Variants in SLCO4C1 observed in about 807,000 individuals in gnomAD.
SLCO4C1 encodes the protein organic anion transporter M1.
In SLCO4C1, 58 loss-of-function variants were observed where a neutral mutation model predicts 72.1. The ratio of observed to expected loss-of-function variants is 0.80; its 90% CI spans 0.65 to 1.00. The LOEUF (loss-of-function observed/expected upper bound fraction) is 1.00. Ranked by LOEUF, SLCO4C1 falls within the 50% of genes least tolerant of loss-of-function variation. The pLI is 0.00. For synonymous variants in SLCO4C1, 297 were observed against 312.5 expected (o/e 0.95, Z 0.52); for missense variants, 898 against 857.9 (o/e 1.05, Z -0.58).
At chr5:102,247,226 T>A in intron 10 of SLCO4C1, 26 bp downstream of exon 10, 1 of 1,454,838 alleles carries the variant, frequency 6.9e-7, no homozygotes, top group Non-Finnish European at 9.2e-7. Context: ...CCTTAGGGAA[T>A]GAAAATTTCT....
intron 3 of SLCO4C1, among the ~76,000 whole-genome samples, chr5:102,266,416 G>A (rs1039964633): frequency 2.3e-4 from 35 of 152,144 alleles, no homozygotes; most frequent in Admixed American, 1.6e-3. Flanking sequence ...TTGGGAGGCC[G>A]AGGTGGGTGG....
At chr5:102,275,389 G>A (rs1749230185) in intron 2 of SLCO4C1, among the ~76,000 whole-genome samples, 1 of 152,112 alleles carries the variant, frequency 6.6e-6, no homozygotes, top group Non-Finnish European at 1.5e-5. Flanking sequence ...AATAGTTGAT[G>A]TACCTAAGAA....
chr5:102,262,089 CAGTT>C (rs768849719), intron 4 of SLCO4C1, 56 bp from the exon 5 acceptor site: 153 of 1,491,502 alleles, frequency 1.0e-4, no homozygotes, highest in Middle Eastern at 1.8e-4. Context: ...AATTAAAACT[CAGTT>C]AGGATAATCA....
At chr5:102,243,836 C>CA (rs1463223367) in intron 10 of SLCO4C1, among the ~76,000 whole-genome samples, 3 of 151,910 alleles carry the variant, frequency 2.0e-5, no homozygotes, top group Admixed American at 6.6e-5. Flanking sequence ...CAAATAAATT[C>CA]AAAAAACACA....
rs781429631 is a variant in SLCO4C1, at chr5:102,239,281, T to C, written c.1984A>G (p.Ile662Val). The change falls in exon 12 of 13, where the codon ATC (isoleucine) becomes GTC (valine). Residue 662 changes from isoleucine (I) to valine (V), a missense_variant. Ile to Val is a conservative substitution (Grantham distance 29). Coordinates refer to ENST00000310954, the MANE Select transcript of SLCO4C1 (RefSeq NM_180991.5). ...IKGACWIYDN[I>V]KMAHMLVAIS... Reference sequence around the variant, plus strand: ...GCTACTAGCATATGGGCCATCTTGATGTTATCATAAATCCAGCAAGCTCCT... The same window carrying C: ...GCTACTAGCATATGGGCCATCTTGACGTTATCATAAATCCAGCAAGCTCCT... 1.9e-6 allele frequency: 3 copies of C among 1,600,570 alleles called. No individual in the cohort carries two copies. Among genetic ancestry groups the C allele is most frequent in the South Asian group, 2.3e-5 (2 of 87,992 alleles).
intron 8 of SLCO4C1, among the ~76,000 whole-genome samples, chr5:102,251,242 A>C (rs1748733405): frequency 3.3e-5 from 5 of 152,182 alleles, no homozygotes; most frequent in Admixed American, 3.3e-4. Context: ...ATGGAAAGTG[A>C]CACTGTCAAA....
At chr5:102,263,876 A>G (rs1011160316) in intron 3 of SLCO4C1, 96 bp from the exon 4 acceptor site, 1 of 818,934 alleles carries the variant, frequency 1.2e-6, no homozygotes, top group African/African-American at 1.7e-5. Context: ...AGAAAAATCT[A>G]AACAATTAAA....
chr5:102,293,460 G>C (rs1296911977), intron 1 of SLCO4C1, among the ~76,000 whole-genome samples: 1 of 151,980 alleles, frequency 6.6e-6, no homozygotes, highest in Non-Finnish European at 1.5e-5. Flanking sequence ...AAAAAATCAG[G>C]AAACGCTCCA....
At chr5:102,245,508 T>C (rs1368315065) in intron 10 of SLCO4C1, among the ~76,000 whole-genome samples, 2 of 152,146 alleles carry the variant, frequency 1.3e-5, no homozygotes, top group African/African-American at 4.8e-5. Context: ...TTTAAATATA[T>C]ATGTAGCCAA....
intron 2 of SLCO4C1, among the ~76,000 whole-genome samples, chr5:102,282,742 T>C (rs561670585): frequency 1.5e-3 from 221 of 152,100 alleles, no homozygotes; most frequent in African/African-American, 5.1e-3. Flanking sequence ...ATTATGTGAG[T>C]GTGAATGTGT....
chr5:102,276,921 T>C (rs1749256853), intron 2 of SLCO4C1, among the ~76,000 whole-genome samples: 1 of 152,156 alleles, frequency 6.6e-6, no homozygotes, highest in Non-Finnish European at 1.5e-5. Flanking sequence ...AAGAATTCCA[T>C]TAAGTGGATT....
chr5:102,270,717 G>C lies in SLCO4C1; in HGVS notation c.709C>G (p.Leu237Val). The change falls in exon 3 of 13, where the codon CTA becomes GTA. Residue 237 changes from leucine (L) to valine (V), a missense_variant. Physicochemically the swap from Leu to Val is conservative, Grantham distance 32 (BLOSUM62 1). Coordinates refer to ENST00000310954, the MANE Select transcript of SLCO4C1 (RefSeq NM_180991.5). ...NYLYVFILGQ[L>V]LLGAGGTPLY... ...GGAGTTCCTCCTGCCCCCAGCAATA[G>C]TTGTCCCAAGATGAAGACATACAAG... 6.2e-7 allele frequency: 1 copy of C among 1,613,134 alleles called. No individual in the cohort carries two copies. Among genetic ancestry groups the C allele is most frequent in the Non-Finnish European group, 8.5e-7 (1 of 1,179,500 alleles).
chr5:102,291,812 A>T (rs1749558099), intron 1 of SLCO4C1, among the ~76,000 whole-genome samples: 1 of 151,110 alleles, frequency 6.6e-6, no homozygotes. Context: ...TTTATTTTTT[A>T]TTTTTATTTT....
intron 8 of SLCO4C1, among the ~76,000 whole-genome samples, chr5:102,251,820 G>A (rs1360417715): frequency 6.6e-6 from 1 of 152,154 alleles, no homozygotes; most frequent in East Asian, 1.9e-4. Flanking sequence ...TATGGAATGA[G>A]AAGGGTACTG....
chr5:102,257,149 C>T lies in SLCO4C1; in HGVS notation c.1435G>A (p.Glu479Lys), dbSNP rs1748851117. Residue 479 changes from glutamate (E) to lysine (K), a missense_variant, in exon 8 of 13, where the codon GAG becomes AAG. Coordinates refer to ENST00000310954, the MANE Select transcript of SLCO4C1 (RefSeq NM_180991.5). ...FVFMYAKCEN[E>K]PFAGVSESYN... ...GATTCAGATACACCAGCAAATGGCT[C>T]ATTTTCACATTTGGCATACATAAAT... 2 of 1,596,270 alleles carry T rather than the reference C, an allele frequency of 1.3e-6. No individual in the cohort carries two copies. Among genetic ancestry groups the T allele is most frequent in the East Asian group, 2.3e-5 (1 of 43,882 alleles).
chr5:102,245,074 C>T (rs1748612527), intron 10 of SLCO4C1, among the ~76,000 whole-genome samples: 1 of 152,110 alleles, frequency 6.6e-6, no homozygotes, highest in African/African-American at 2.4e-5. Context: ...AAAATAGTAA[C>T]TACAACAACT....
At chr5:102,275,368 C>T (rs573535746) in intron 2 of SLCO4C1, among the ~76,000 whole-genome samples, 163 of 152,012 alleles carry the variant, frequency 1.1e-3, no homozygotes, top group African/African-American at 3.6e-3. Context: ...ATCATATATA[C>T]GCATAGTTGA....
chr5:102,240,950 A>G (rs1748528778), intron 10 of SLCO4C1, among the ~76,000 whole-genome samples, 168 bp from the exon 11 acceptor site: 1 of 152,146 alleles, frequency 6.6e-6, no homozygotes, highest in African/African-American at 2.4e-5. Context: ...TCCTGGGATT[A>G]TAAAAGAAGA....
chr5:102,258,352 A>AAAG (rs1159880906), intron 6 of SLCO4C1, among the ~76,000 whole-genome samples: 1 of 152,178 alleles, frequency 6.6e-6, no homozygotes, highest in Non-Finnish European at 1.5e-5. Flanking sequence ...AGGGCTATGG[A>AAAG]AAGAAGGTAA....
Sources: allele counts gnomAD v4.1 joint callset (sites outside exome capture counted in the v4.1 genomes callset), GRCh38; gene constraint gnomAD v4.1.1; transcripts MANE v1.5; gene names NCBI Gene and HGNC (gene_info 2026-07-23, HGNC 2026-07-21).